The following CLVS1 variants were observed in gnomAD, a reference collection of about 807,000 sequenced individuals.
The protein encoded by CLVS1 is clavesin 1, also known as clavesin-1.
In CLVS1, 10 loss-of-function variants were observed where a neutral mutation model predicts 33.1. That is an observed-to-expected ratio of 0.30 (90% CI 0.19 to 0.51). CLVS1 has a LOEUF of 0.51. CLVS1 is among the 20% of genes least tolerant of loss of function. The pLI is 0.97. For synonymous variants in CLVS1, 163 were observed against 166.1 expected, an observed-to-expected ratio of 0.98 and a Z score of 0.14; for missense variants, 343 against 433.4, an observed-to-expected ratio of 0.79 and a Z score of 1.85.
intron 3 of CLVS1, among the ~76,000 whole-genome samples, chr8:61,394,289 T>A (rs1375631025): frequency 6.6e-6 from 1 of 152,176 alleles, no homozygotes; most frequent in African/African-American, 2.4e-5. Flanking sequence ...GGTGGCACTT[T>A]CAAGAGAGCA....
At chr8:61,036,594 C>A in the CLVS1 span, among the ~76,000 whole-genome samples, 2 of 152,200 alleles carry the variant, frequency 1.3e-5, no homozygotes, top group African/African-American at 4.8e-5. Flanking sequence ...CCTCTTCCCT[C>A]TCCCTCCTTC....
intron 3 of CLVS1, among the ~76,000 whole-genome samples, chr8:61,424,100 C>T (rs1815787444): frequency 6.6e-6 from 1 of 152,226 alleles, no homozygotes; most frequent in East Asian, 1.9e-4. Context: ...GCACTATACA[C>T]AGATAAACCT....
intron 2 of CLVS1, among the ~76,000 whole-genome samples, chr8:61,272,238 C>T (rs941313407): frequency 6.6e-6 from 1 of 151,992 alleles, no homozygotes; most frequent in African/African-American, 2.4e-5. Flanking sequence ...GATTTTATTT[C>T]TCCTTCACTT....
chr8:61,065,722 G>A (rs1455969595), intron 1 of CLVS1, among the ~76,000 whole-genome samples: 5 of 152,192 alleles, frequency 3.3e-5, no homozygotes, highest in Non-Finnish European at 7.4e-5. Flanking sequence ...AGCTAAGTAA[G>A]GGTATAATAT....
chr8:61,005,485 A>C, the CLVS1 span, among the ~76,000 whole-genome samples: 1 of 151,974 alleles, frequency 6.6e-6, no homozygotes, highest in African/African-American at 2.4e-5. Context: ...GCAGCAGGGA[A>C]AAAAGAAAAG....
the CLVS1 span, among the ~76,000 whole-genome samples, chr8:61,048,930 G>A: frequency 6.6e-6 from 1 of 152,094 alleles, no homozygotes; most frequent in South Asian, 2.1e-4. Flanking sequence ...TTGGTCCTCT[G>A]TCCTGGAGAG....
At chr8:61,458,940 C>G (rs1272678479) in intron 5 of CLVS1, among the ~76,000 whole-genome samples, 1 of 152,162 alleles carries the variant, frequency 6.6e-6, no homozygotes, top group Non-Finnish European at 1.5e-5. Flanking sequence ...GGCTGCAGCA[C>G]TGATTAGGGA....
At chr8:61,373,604 T>C (rs966269216) in intron 2 of CLVS1, among the ~76,000 whole-genome samples, 1 of 152,212 alleles carries the variant, frequency 6.6e-6, no homozygotes, top group Non-Finnish European at 1.5e-5. Context: ...TCTTCAAAGT[T>C]AATTATTTCT....
At chr8:61,478,079 G>A (rs560879776) in intron 5 of CLVS1, among the ~76,000 whole-genome samples, 1 of 152,314 alleles carries the variant, frequency 6.6e-6, no homozygotes, top group Non-Finnish European at 1.5e-5. Flanking sequence ...TATGTACCCT[G>A]CAGTCATTCA....
At chr8:61,127,369 G>A (rs909471244) in intron 1 of CLVS1, among the ~76,000 whole-genome samples, 12 of 151,998 alleles carry the variant, frequency 7.9e-5, no homozygotes, top group African/African-American at 1.7e-4. Context: ...ACAGGTGTGC[G>A]CCACCATGCT....
intron 2 of CLVS1, among the ~76,000 whole-genome samples, chr8:61,203,686 A>T (rs969632363): frequency 1.3e-5 from 2 of 152,228 alleles, no homozygotes; most frequent in Non-Finnish European, 2.9e-5. Flanking sequence ...GGTCAAGCTC[A>T]CATGGAACTG....
chr8:61,124,036 C>T (rs553044418), intron 1 of CLVS1, among the ~76,000 whole-genome samples: 1 of 152,142 alleles, frequency 6.6e-6, no homozygotes, highest in Non-Finnish European at 1.5e-5. Flanking sequence ...AAGACTCCTA[C>T]TTTCAAAGCA....
At chr8:61,254,938 A>C (rs1458560764) in intron 2 of CLVS1, among the ~76,000 whole-genome samples, 1 of 152,096 alleles carries the variant, frequency 6.6e-6, no homozygotes, top group African/African-American at 2.4e-5. Context: ...GACAATCCCC[A>C]GTGAGATGCA....
At chr8:61,001,337 AAC>A in the CLVS1 span, among the ~76,000 whole-genome samples, 7 of 152,290 alleles carry the variant, frequency 4.6e-5, no homozygotes, top group South Asian at 1.5e-3. Flanking sequence ...ATCATTTCAA[AAC>A]ACAATCCACA....
chr8:60,988,210 A>T, the CLVS1 span, among the ~76,000 whole-genome samples: 1 of 152,292 alleles, frequency 6.6e-6, no homozygotes, highest in East Asian at 1.9e-4. Context: ...AGAGCTTTTC[A>T]AAAAAGGACC....
intron 2 of CLVS1, among the ~76,000 whole-genome samples, chr8:61,268,168 C>T (rs992054779): frequency 2.7e-5 from 3 of 109,726 alleles, no homozygotes; most frequent in East Asian, 3.2e-4. Context: ...CCACCCCCCT[C>T]CCCCCACCCC....
In CLVS1 at chr8:61,219,168, TTTTC is replaced by T. The variant is rs142377351; in HGVS notation, c.-151-80501_-151-80498del. ...GTAGGTCTTATTAATTCTTTTTCTTTTTTCTTTCTTTATTTCTTCTTTTAGAAAA... is the reference window on the plus strand; with the variant it reads ...GTAGGTCTTATTAATTCTTTTTCTTTTTTCTTTATTTCTTCTTTTAGAAAA... On this transcript the variant is annotated intron_variant, in intron 2 of 2. Coordinates refer to the CLVS1 transcript ENST00000522621. 9.9e-3 allele frequency among the ~76,000 whole-genome samples: 1,500 copies of T among 152,270 alleles called. 32 individuals carry two copies. Among genetic ancestry groups the T allele is most frequent in the African/African-American group, 0.033 (1,384 of 41,532 alleles).
chr8:61,428,148 T>C (rs949631895), intron 3 of CLVS1, among the ~76,000 whole-genome samples: 1 of 152,240 alleles, frequency 6.6e-6, no homozygotes, highest in African/African-American at 2.4e-5. Flanking sequence ...AGATTTGTAG[T>C]CGTCCCTAAG....
chr8:61,213,079 T>C (rs956624294), intron 2 of CLVS1, among the ~76,000 whole-genome samples: 1 of 151,878 alleles, frequency 6.6e-6, no homozygotes, highest in Non-Finnish European at 1.5e-5. Context: ...AGGGTGTAGG[T>C]GGCACCTTCT....
Sources: allele counts gnomAD v4.1 joint callset (sites outside exome capture counted in the v4.1 genomes callset), GRCh38; gene constraint gnomAD v4.1.1; transcripts MANE v1.5; gene names NCBI Gene and HGNC (gene_info 2026-07-23, HGNC 2026-07-21).